Variants in RSRC1 observed in about 807,000 individuals in gnomAD.
RSRC1 encodes the protein arginine and serine rich coiled-coil 1.
A neutral mutation model predicts 49.1 loss-of-function variants in RSRC1; 39 were observed. The ratio of observed to expected loss-of-function variants is 0.79; its 90% CI spans 0.61 to 1.04. The LOEUF (loss-of-function observed/expected upper bound fraction) is 1.04. Among genes scored for constraint, RSRC1 ranks in the 50% least tolerant of loss-of-function variants. RSRC1 has a pLI of 0.00. For synonymous variants in RSRC1, 143 were observed against 130.8 expected, an observed-to-expected ratio of 1.09 and a Z score of -0.63; for missense variants, 388 against 402.4, an observed-to-expected ratio of 0.96 and a Z score of 0.31.
chr3:158,341,786 A>G (rs147545524), intron 5 of RSRC1, among the ~76,000 whole-genome samples: 1 of 152,266 alleles, frequency 6.6e-6, no homozygotes, highest in South Asian at 2.1e-4. Context: ...AAAGCCACAG[A>G]CACTCAATGC....
intron 4 of RSRC1, among the ~76,000 whole-genome samples, chr3:158,281,574 G>A (rs1388224216): frequency 1.3e-5 from 2 of 152,082 alleles, no homozygotes; most frequent in Non-Finnish European, 2.9e-5. Context: ...GACTTGAAGA[G>A]CCATTTTTTT....
At chr3:158,494,219 C>G (rs74768286) in intron 7 of RSRC1, among the ~76,000 whole-genome samples, 218 of 152,242 alleles carry the variant, frequency 1.4e-3, no homozygotes, top group African/African-American at 4.8e-3. Context: ...GCCCGCTGCT[C>G]CTAGGCTACA....
In RSRC1 at chr3:158,487,949, G is replaced by GGAAAAAAAAAAAAAA. The variant is rs1553814781; in HGVS notation, c.652+26946_652+26947insGAAAAAAAAAAAAAA. Among the ~76,000 whole-genome samples, 34 of 28,912 alleles carry GGAAAAAAAAAAAAAA rather than the reference G, an allele frequency of 1.2e-3. 8 individuals are homozygous for GGAAAAAAAAAAAAAA. Among genetic ancestry groups the GGAAAAAAAAAAAAAA allele is most frequent in the African/African-American group, 3.5e-3 (26 of 7,474 alleles). 19.0% of individuals were successfully genotyped at this position (28,912 alleles called of 152,430 possible). ...TAGGAGACAAGAGACTCCATCTCAAGAAAAAAAAAAAAAAAAAAAAAAAAA... is the reference window on the plus strand; with the variant it reads ...TAGGAGACAAGAGACTCCATCTCAAGGAAAAAAAAAAAAAAAAAAAAAAAAAAAAAAAAAAAAAAA... On this transcript the variant is annotated intron_variant, in intron 7 of 9. Transcript: ENST00000611884.
chr3:158,429,140 C>A (rs1735628480), intron 6 of RSRC1, among the ~76,000 whole-genome samples: 1 of 151,814 alleles, frequency 6.6e-6, no homozygotes, highest in Non-Finnish European at 1.5e-5. Context: ...GTACTTTCAG[C>A]CCTTCTAATA....
chr3:158,511,809 G>A lies in RSRC1; in HGVS notation c.653-25283G>A, dbSNP rs545164125. Among the ~76,000 whole-genome samples the A allele has an allele frequency of 1.7e-4, 26 of 151,802 alleles. No homozygotes were observed. The South Asian group carries it at 5.4e-3, about 32-fold the overall frequency. Reference sequence around the variant, plus strand: ...GTTGTTTCCTAACTTTTTAATGATTGCCATTCTAAGTGGTGTGAGATGGTA... The same window carrying A: ...GTTGTTTCCTAACTTTTTAATGATTACCATTCTAAGTGGTGTGAGATGGTA... On this transcript the variant is annotated intron_variant, in intron 7 of 9. Coordinates refer to ENST00000611884, the MANE Select transcript of RSRC1 (RefSeq NM_001271838.2).
At chr3:158,271,408 T>G (rs562595238) in intron 4 of RSRC1, among the ~76,000 whole-genome samples, 1 of 152,210 alleles carries the variant, frequency 6.6e-6, no homozygotes, top group African/African-American at 2.4e-5. Context: ...TACACTGATG[T>G]TGGATGGATT....
chr3:158,256,172 CA>C (rs1278523951), intron 4 of RSRC1, among the ~76,000 whole-genome samples: 1 of 152,078 alleles, frequency 6.6e-6, no homozygotes, highest in Non-Finnish European at 1.5e-5. Flanking sequence ...AGTTTTTGCC[CA>C]TTCAGTATGA....
chr3:158,384,962 T>A (rs1273040704), intron 6 of RSRC1, among the ~76,000 whole-genome samples: 1 of 152,098 alleles, frequency 6.6e-6, no homozygotes, highest in Admixed American at 6.6e-5. Context: ...CAGTCAGCAG[T>A]TCCAGATAGC....
chr3:158,321,001 A>G (rs1426955727), intron 5 of RSRC1, among the ~76,000 whole-genome samples: 1 of 152,150 alleles, frequency 6.6e-6, no homozygotes, highest in Non-Finnish European at 1.5e-5. Context: ...TGAGAATCTG[A>G]TAAAAACCGG....
chr3:158,376,520 A>G (rs1460241958), intron 6 of RSRC1, among the ~76,000 whole-genome samples: 3 of 151,996 alleles, frequency 2.0e-5, no homozygotes, highest in African/African-American at 7.2e-5. Context: ...TTGGTCTCCT[A>G]GGTGCCTGTA....
intron 5 of RSRC1, among the ~76,000 whole-genome samples, chr3:158,302,420 C>T (rs541275374): frequency 2.5e-4 from 38 of 152,000 alleles, no homozygotes; most frequent in African/African-American, 8.4e-4. Flanking sequence ...TTGTAATGAA[C>T]TTAAGAAAAT....
chr3:158,479,417 T>C (rs1309192497), intron 7 of RSRC1, among the ~76,000 whole-genome samples: 2 of 151,836 alleles, frequency 1.3e-5, no homozygotes, highest in Non-Finnish European at 2.9e-5. Flanking sequence ...TCCATTCATT[T>C]TGTAGCTAAT....
At chr3:158,431,894 T>A (rs1046109338) in intron 6 of RSRC1, among the ~76,000 whole-genome samples, 1 of 152,012 alleles carries the variant, frequency 6.6e-6, no homozygotes, top group African/African-American at 2.4e-5. Context: ...TGTTATATAC[T>A]TAATTGTTTT....
At chr3:158,425,745 T>G (rs1008909259) in intron 6 of RSRC1, among the ~76,000 whole-genome samples, 18 of 151,994 alleles carry the variant, frequency 1.2e-4, no homozygotes, top group Admixed American at 1.1e-3. Flanking sequence ...ACTCAGGACT[T>G]GCTTTATGAA....
intron 7 of RSRC1, among the ~76,000 whole-genome samples, chr3:158,516,614 T>G (rs1220798146): frequency 6.6e-6 from 1 of 152,176 alleles, no homozygotes; most frequent in Non-Finnish European, 1.5e-5. Context: ...TGAGCTGTGG[T>G]GGGCTCCACC....
At chr3:158,334,632 C>G (rs1436188910) in intron 5 of RSRC1, among the ~76,000 whole-genome samples, 4 of 146,352 alleles carry the variant, frequency 2.7e-5, no homozygotes, top group African/African-American at 1.0e-4. Context: ...AGGCACATGA[C>G]ACCACACCCA....
intron 4 of RSRC1, among the ~76,000 whole-genome samples, chr3:158,236,868 A>G (rs1440880097): frequency 6.6e-6 from 1 of 152,208 alleles, no homozygotes; most frequent in Non-Finnish European, 1.5e-5. Context: ...GTTTCTCCAG[A>G]AAGTTCATTG....
intron 6 of RSRC1, among the ~76,000 whole-genome samples, chr3:158,454,590 A>G (rs12631828): frequency 0.13 from 20,533 of 152,146 alleles, 1,524 homozygotes; most frequent in Middle Eastern, 0.2. Flanking sequence ...TGCAATCAGT[A>G]TCTTCCCACA....
chr3:158,173,717 A>G (rs1048013187), intron 3 of RSRC1, among the ~76,000 whole-genome samples: 8 of 152,042 alleles, frequency 5.3e-5, no homozygotes, highest in Non-Finnish European at 1.0e-4. Context: ...ATGCTCATCA[A>G]CTGATGAACG....
Sources: allele counts gnomAD v4.1 joint callset (sites outside exome capture counted in the v4.1 genomes callset), GRCh38; gene constraint gnomAD v4.1.1; transcripts MANE v1.5; gene names NCBI Gene and HGNC (gene_info 2026-07-23, HGNC 2026-07-21).